Variants in COL23A1 observed in about 807,000 individuals in gnomAD.
COL23A1 encodes collagen alpha-1(XXIII) chain.
Under a neutral mutation model 99.3 loss-of-function variants are expected in COL23A1, and 97 were observed. That is an observed-to-expected ratio of 0.98 (90% CI 0.83 to 1.16). The LOEUF (loss-of-function observed/expected upper bound fraction) is 1.16. Among genes scored for constraint, COL23A1 ranks in the 50% most tolerant of loss-of-function variants. The probability of loss-of-function intolerance (pLI) is 0.00; values close to 1 mark genes in which losing one functional copy is unlikely to be tolerated. For synonymous variants in COL23A1, 320 were observed against 308.2 expected (o/e 1.04, Z -0.40); for missense variants, 762 against 757.4 (o/e 1.01, Z -0.07).
chr5:178,358,096 CTAA>C (rs1215111297), intron 2 of COL23A1, among the ~76,000 whole-genome samples: 1 of 138,270 alleles, frequency 7.2e-6, no homozygotes, highest in African/African-American at 2.8e-5. Flanking sequence ...GTGTGTAGGT[CTAA>C]TGTGTGTGTA....
At chr5:178,347,879 CAAAAAAAA>C (rs748111944) in intron 2 of COL23A1, among the ~76,000 whole-genome samples, 5 of 44,576 alleles carry the variant, frequency 1.1e-4, no homozygotes, top group South Asian at 8.2e-4. Flanking sequence ...GACTCTGTCT[CAAAAAAAA>C]AAAAAAAAAA....
chr5:178,368,762 C>G (rs1007168503), intron 2 of COL23A1, among the ~76,000 whole-genome samples: 1 of 152,260 alleles, frequency 6.6e-6, no homozygotes, highest in Non-Finnish European at 1.5e-5. Context: ...TCCAGGAGGA[C>G]CAGGTGCAGC....
chr5:178,478,090 C>A (rs1054063454), intron 2 of COL23A1, among the ~76,000 whole-genome samples: 1 of 152,152 alleles, frequency 6.6e-6, no homozygotes, highest in Non-Finnish European at 1.5e-5. Context: ...GTGGGGCGGT[C>A]CTGCAGGGCC....
chr5:178,264,954 T>C (rs1755796253), intron 8 of COL23A1, among the ~76,000 whole-genome samples: 1 of 152,130 alleles, frequency 6.6e-6, no homozygotes, highest in Admixed American at 6.5e-5. Context: ...CTGAAGATGA[T>C]CTTATTCAAC....
chr5:178,479,446 C>T (rs1361005763), intron 2 of COL23A1, among the ~76,000 whole-genome samples: 2 of 152,206 alleles, frequency 1.3e-5, no homozygotes, highest in Non-Finnish European at 2.9e-5. Flanking sequence ...TGCCGGCTCA[C>T]CCATGCGCCA....
intron 2 of COL23A1, among the ~76,000 whole-genome samples, chr5:178,409,008 A>ACACACG (rs1764921727): frequency 6.7e-6 from 1 of 150,010 alleles, no homozygotes; most frequent in Non-Finnish European, 1.5e-5. Context: ...ACACACACAC[A>ACACACG]CACACACACA....
intron 2 of COL23A1, among the ~76,000 whole-genome samples, chr5:178,521,150 C>A (rs548486941): frequency 6.6e-6 from 1 of 152,304 alleles, no homozygotes; most frequent in South Asian, 2.1e-4. Flanking sequence ...CATACCTAAA[C>A]ATATAAATAT....
intron 2 of COL23A1, among the ~76,000 whole-genome samples, chr5:178,421,436 G>T (rs938259653): frequency 6.6e-6 from 1 of 151,552 alleles, no homozygotes; most frequent in Admixed American, 6.6e-5. Context: ...ACCGAATTTG[G>T]TAATGGATTA....
At chr5:178,241,993 T>C in intron 27 of COL23A1, 49 bp downstream of exon 27, 2 of 1,445,702 alleles carry the variant, frequency 1.4e-6, no homozygotes, top group Non-Finnish European at 1.9e-6. Context: ...GGGCTGACCC[T>C]GGCTGGAGGC....
At chr5:178,553,662 C>G (rs954162211) in intron 2 of COL23A1, among the ~76,000 whole-genome samples, 1 of 152,198 alleles carries the variant, frequency 6.6e-6, no homozygotes, top group Non-Finnish European at 1.5e-5. Context: ...CGGGCAGAAG[C>G]CCAGCTCTGC....
chr5:178,354,305 C>A (rs1253687346), intron 2 of COL23A1, among the ~76,000 whole-genome samples: 2 of 152,164 alleles, frequency 1.3e-5, no homozygotes, highest in East Asian at 3.9e-4. Flanking sequence ...AACTCCTGGG[C>A]TCAAGTGATC....
intron 1 of COL23A1, among the ~76,000 whole-genome samples, chr5:178,561,035 C>G (rs1397391403): frequency 1.3e-5 from 2 of 152,212 alleles, no homozygotes; most frequent in African/African-American, 4.8e-5. Flanking sequence ...ACGACAGAAA[C>G]AGCGTCCTGC....
At chr5:178,374,991 C>G (rs947801583) in intron 2 of COL23A1, among the ~76,000 whole-genome samples, 1 of 152,168 alleles carries the variant, frequency 6.6e-6, no homozygotes, top group African/African-American at 2.4e-5. Context: ...TAGAAGCATA[C>G]GTATAACAGC....
chr5:178,268,820 G>GCTTCC, intron 6 of COL23A1, 64 bp from the exon 7 acceptor site: 1 of 1,545,506 alleles, frequency 6.5e-7, no homozygotes. Context: ...TCCCCTTCTG[G>GCTTCC]CTTCCCTATA....
chr5:178,338,429 G>T (rs1057373868), intron 2 of COL23A1, among the ~76,000 whole-genome samples: 1 of 152,184 alleles, frequency 6.6e-6, no homozygotes, highest in African/African-American at 2.4e-5. Flanking sequence ...CTGCCTTCCC[G>T]CAAAGAGCAT....
At chr5:178,466,862 A>G (rs1303216434) in intron 2 of COL23A1, among the ~76,000 whole-genome samples, 1 of 152,240 alleles carries the variant, frequency 6.6e-6, no homozygotes, top group East Asian at 1.9e-4. Context: ...AGTCCGAGGA[A>G]GGCAGCAGAA....
chr5:178,405,773 G>A (rs1348455657), intron 2 of COL23A1, among the ~76,000 whole-genome samples: 2 of 152,190 alleles, frequency 1.3e-5, no homozygotes, highest in African/African-American at 4.8e-5. Context: ...AGGAGTAATG[G>A]AAGAATATAG....
In COL23A1 at chr5:178,366,339, A is replaced by G. The variant is rs1397721292; in HGVS notation, c.362-59420T>C. On this transcript the variant is annotated intron_variant, in intron 2 of 28. Coordinates refer to ENST00000390654, the MANE Select transcript of COL23A1 (RefSeq NM_173465.4). This position sits in a 1 kb window ranked among gnomAD's most constrained non-coding sequence, Gnocchi z 4.4. ...CGCTGCGTCCTCCATCCTCTGGTGC[A>G]CCAGGTTAGCTTGACTCCAGGTGCC... 1.3e-5 allele frequency among the ~76,000 whole-genome samples: 2 copies of G among 152,198 alleles called. No homozygotes were observed. Among genetic ancestry groups the G allele is most frequent in the African/African-American group, 4.8e-5 (2 of 41,454 alleles).
At chr5:178,427,970 T>G (rs1353590401) in intron 2 of COL23A1, among the ~76,000 whole-genome samples, 1 of 152,122 alleles carries the variant, frequency 6.6e-6, no homozygotes. Context: ...GGTGATGGCA[T>G]GTCATTGGTT....
Sources: allele counts gnomAD v4.1 joint callset (sites outside exome capture counted in the v4.1 genomes callset), GRCh38; gene constraint gnomAD v4.1.1; non-coding constraint Gnocchi (gnomAD v3.1); transcripts MANE v1.5; gene names NCBI Gene and HGNC (gene_info 2026-07-23, HGNC 2026-07-21).